Variants in ATP11B observed in about 807,000 individuals in gnomAD.
ATP11B encodes phospholipid-transporting ATPase IF.
A neutral mutation model predicts 157.8 loss-of-function variants in ATP11B; 81 were observed. That is an observed-to-expected ratio of 0.51 (90% CI 0.43 to 0.62). The LOEUF (loss-of-function observed/expected upper bound fraction) is 0.62. ATP11B is among the 20% of genes least tolerant of loss of function. The probability of loss-of-function intolerance (pLI) is 0.00; values close to 1 mark genes in which losing one functional copy is unlikely to be tolerated. For missense variants in ATP11B, 1,165 were observed against 1,402.2 expected (o/e 0.83, Z 2.70); for synonymous variants, 451 against 469.4 (o/e 0.96, Z 0.51).
chr3:182,831,610 A>T (rs1172168961), intron 4 of ATP11B, among the ~76,000 whole-genome samples: 1 of 151,262 alleles, frequency 6.6e-6, no homozygotes, highest in Non-Finnish European at 1.5e-5. Flanking sequence ...CTGCAGCTAC[A>T]CTCCTCTACT....
chr3:182,880,954 A>C lies in ATP11B; in HGVS notation c.2482A>C (p.Met828Leu), dbSNP rs1391789328. The change falls in exon 21 of 30, where the codon ATG becomes CTG. Residue 828 changes from methionine to leucine, a missense_variant. This residue lies in a region of ATP11B where 737 missense variants were observed against 930.5 expected (regional missense o/e 0.79). Transcript: ENST00000323116. ...TGGTGATGGTGCTAATGACGTAAGC[A>C]TGATACAAGAAGCCCATGTTGGCAT... is the stretch of plus-strand genomic sequence containing the variant. ...AVGDGANDVS[M>L]IQEAHVGIGI... The C allele has an allele frequency of 6.3e-7, 1 of 1,595,536 alleles. No individual in the cohort carries two copies.
chr3:182,873,405 T>C (rs1236140845), intron 18 of ATP11B, among the ~76,000 whole-genome samples: 1 of 152,234 alleles, frequency 6.6e-6, no homozygotes, highest in Non-Finnish European at 1.5e-5. Flanking sequence ...ACCTTTATTT[T>C]CTACAGTCTG....
At chr3:182,862,027 C>T (rs895725293) in intron 12 of ATP11B, among the ~76,000 whole-genome samples, 2 of 151,926 alleles carry the variant, frequency 1.3e-5, no homozygotes. Context: ...GGGTAGATCA[C>T]TTGAGCCCAG....
At chr3:182,896,795 C>T (rs755260785) in intron 26 of ATP11B, 30 bp downstream of exon 26, 1 of 1,539,468 alleles carries the variant, frequency 6.5e-7, no homozygotes, top group Non-Finnish European at 9.0e-7. Context: ...AATGTGGACA[C>T]ATTTTGCAAC....
At chr3:182,887,740 C>G (rs1449211521) in intron 24 of ATP11B, 27 bp downstream of exon 24, 2 of 1,589,354 alleles carry the variant, frequency 1.3e-6, no homozygotes, top group Non-Finnish European at 1.7e-6. Flanking sequence ...ATTAAATGGC[C>G]TTATCAGTTT....
chr3:182,797,681 C>G (rs1238034921), intron 1 of ATP11B, among the ~76,000 whole-genome samples: 2 of 151,426 alleles, frequency 1.3e-5, no homozygotes, highest in Non-Finnish European at 2.9e-5. Flanking sequence ...GGACTCTAGC[C>G]TGGGTGACAG....
At chr3:182,846,984 A>G (rs1180629042) in intron 9 of ATP11B, among the ~76,000 whole-genome samples, 5 of 152,212 alleles carry the variant, frequency 3.3e-5, no homozygotes, top group Non-Finnish European at 5.9e-5. Flanking sequence ...AAAATATTCT[A>G]ATAGCAGAAA....
intron 29 of ATP11B, chr3:182,915,311 T>C (rs1205993894): frequency 1.0e-6 from 1 of 985,292 alleles, no homozygotes; most frequent in East Asian, 1.1e-4. Context: ...ATCTGAAATA[T>C]TTCCATAATG....
intron 21 of ATP11B, among the ~76,000 whole-genome samples, chr3:182,883,197 C>A (rs1399168502): frequency 2.6e-5 from 4 of 151,488 alleles, no homozygotes; most frequent in Non-Finnish European, 5.9e-5. Context: ...ATGTACATTA[C>A]AAGTATACAT....
chr3:182,846,564 A>T (rs746001463), intron 9 of ATP11B, among the ~76,000 whole-genome samples: 1 of 152,214 alleles, frequency 6.6e-6, no homozygotes, highest in Admixed American at 6.5e-5. Context: ...AAAGGTTGGA[A>T]ATAGCCCAAT....
At chr3:182,914,587 A>G (rs1725019558) in intron 29 of ATP11B, 1 of 985,266 alleles carries the variant, frequency 1.0e-6, no homozygotes, top group South Asian at 4.7e-5. Flanking sequence ...TTGCCTAATT[A>G]AAAGTGTATG....
chr3:182,853,271 G>T (rs371530066), intron 10 of ATP11B, among the ~76,000 whole-genome samples: 14 of 152,178 alleles, frequency 9.2e-5, no homozygotes, highest in African/African-American at 3.4e-4. Flanking sequence ...GCAGTGGTGC[G>T]ATCTCGGCTC....
At chr3:182,872,037 G>A (rs1028275079) in intron 17 of ATP11B, among the ~76,000 whole-genome samples, 5 of 152,062 alleles carry the variant, frequency 3.3e-5, no homozygotes, top group African/African-American at 7.2e-5. Context: ...GGATGGTCTC[G>A]ATCTCCTGAC....
intron 4 of ATP11B, among the ~76,000 whole-genome samples, chr3:182,832,215 G>A: frequency 6.6e-6 from 1 of 152,028 alleles, no homozygotes; most frequent in East Asian, 1.9e-4. Flanking sequence ...AATAAAGGCA[G>A]AAAGCAAAAA....
rs1161269613 is a variant in ATP11B at position 182,836,229 on chromosome 3, G to C, written c.423+87G>C. 8.3e-6 allele frequency: 13 copies of C among 1,562,676 alleles called. No individual in the cohort carries two copies. The African/African-American group carries it at 1.6e-4, about 20-fold the overall frequency. ...TCTTGATATTACGTTTTAGTTAAAA[G>C]CCTACTTTCCTATGCTAAAATACTG... On this transcript the variant is annotated intron_variant, in intron 5 of 29. Transcript: ENST00000323116.
intron 7 of ATP11B, 71 bp downstream of exon 7, chr3:182,837,245 A>G: frequency 1.8e-6 from 2 of 1,116,042 alleles, no homozygotes; most frequent in Non-Finnish European, 2.6e-6. Flanking sequence ...AACCATAAAC[A>G]TAAAATGAAA....
At position 182,866,429 on chromosome 3, in the gene ATP11B, A is replaced by G. The variant is rs1233568431; in HGVS notation, c.1605A>G (p.Val535=). The part of the protein sequence containing the change: ...YASSPDEKAL[V]EAAARIGIVF... ...CTTCACCAGATGAAAAGGCTCTAGT[A>G]GAAGCTGCTGCAAGGTAATTTAGTC... Residue 535 remains valine (V), a synonymous_variant, in exon 14 of 30, where the codon GTA becomes GTG. Coordinates refer to ENST00000323116, the MANE Select transcript of ATP11B (RefSeq NM_014616.3). The G allele has an allele frequency of 3.1e-6, 5 of 1,605,030 alleles. No homozygotes were observed. The Admixed American group carries it at 6.8e-5, about 22-fold the overall frequency.
Position 182,819,759 on chromosome 3 carries a change from T to C in ATP11B, c.28-501T>C, listed in dbSNP as rs535578315. 2.0e-5 allele frequency among the ~76,000 whole-genome samples: 3 copies of C among 152,238 alleles called. No individual in the cohort carries two copies. In the South Asian group the frequency reaches 6.2e-4, roughly 32 times the overall value. ...CAGTCTGGGGATGGAAAAAGTAAAA[T>C]AAATATAAACCTTTGCCATCAGATG... On this transcript the variant is annotated intron_variant, in intron 1 of 29. Coordinates refer to ENST00000323116, the MANE Select transcript of ATP11B (RefSeq NM_014616.3).
intron 1 of ATP11B, among the ~76,000 whole-genome samples, chr3:182,802,440 C>T (rs1716074500): frequency 6.6e-6 from 1 of 152,152 alleles, no homozygotes; most frequent in Non-Finnish European, 1.5e-5. Flanking sequence ...CCCTACACTT[C>T]TTCCAATCCA....
Sources: allele counts gnomAD v4.1 joint callset (sites outside exome capture counted in the v4.1 genomes callset), GRCh38; gene constraint gnomAD v4.1.1; regional missense constraint gnomAD v4.1.1; transcripts MANE v1.5; gene names NCBI Gene and HGNC (gene_info 2026-07-23, HGNC 2026-07-21).